Variants in PDE6D observed in about 807,000 individuals in gnomAD.
The protein encoded by PDE6D is retinal rod rhodopsin-sensitive cGMP 3',5'-cyclic phosphodiesterase subunit delta.
In PDE6D, 10 loss-of-function variants were observed where a neutral mutation model predicts 21.9. The observed-to-expected ratio is 0.46, with a 90% CI of 0.28 to 0.78. PDE6D has a LOEUF of 0.78. PDE6D is among the 30% of genes least tolerant of loss of function. The pLI is 0.12. For synonymous variants in PDE6D, 59 were observed against 63.5 expected (o/e 0.93, Z 0.34); for missense variants, 139 against 184.8 (o/e 0.75, Z 1.44).
At chr2:231,762,078 A>C (rs1360537870) in intron 1 of PDE6D, among the ~76,000 whole-genome samples, 1 of 152,142 alleles carries the variant, frequency 6.6e-6, no homozygotes, top group Admixed American at 6.6e-5. Flanking sequence ...TCTCTTGGGG[A>C]TATGCTTAGT....
chr2:231,752,799 T>C (rs1032408785), intron 1 of PDE6D, among the ~76,000 whole-genome samples: 1 of 149,650 alleles, frequency 6.7e-6, no homozygotes, highest in Non-Finnish European at 1.5e-5. Context: ...GATAGATATA[T>C]ACAGAGCAGA....
intron 1 of PDE6D, among the ~76,000 whole-genome samples, chr2:231,756,032 T>C (rs868750164): frequency 6.6e-6 from 1 of 152,148 alleles, no homozygotes; most frequent in South Asian, 2.1e-4. Context: ...GAGGTAAAAA[T>C]GTGATGACAG....
chr2:231,738,808 CG>C (rs1381542073), intron 2 of PDE6D, among the ~76,000 whole-genome samples: 1 of 148,508 alleles, frequency 6.7e-6, no homozygotes, highest in Non-Finnish European at 1.5e-5. Flanking sequence ...CCCAGCTACT[CG>C]GGAGGCTGAG....
intron 4 of PDE6D, among the ~76,000 whole-genome samples, chr2:231,734,122 G>A (rs1363626164): frequency 4.6e-5 from 7 of 152,038 alleles, no homozygotes; most frequent in Admixed American, 4.6e-4. Context: ...GCTGAGGCAG[G>A]AGAATGGTGG....
chr2:231,770,436 T>C (rs2340510), intron 1 of PDE6D, among the ~76,000 whole-genome samples: 42,765 of 151,956 alleles, frequency 0.28, 6,112 homozygotes, highest in Non-Finnish European at 0.31. Context: ...ATCTGGTGAA[T>C]TGAGGGAAAA....
At chr2:231,762,620 C>T (rs1440383287) in intron 1 of PDE6D, among the ~76,000 whole-genome samples, 2 of 151,934 alleles carry the variant, frequency 1.3e-5, no homozygotes, top group East Asian at 1.9e-4. Flanking sequence ...GCTGGGATTA[C>T]AGGTGTGAGC....
At chr2:231,747,771 T>TGA (rs2048806379) in intron 1 of PDE6D, among the ~76,000 whole-genome samples, 1 of 152,224 alleles carries the variant, frequency 6.6e-6, no homozygotes, top group African/African-American at 2.4e-5. Flanking sequence ...TCTTCTCACC[T>TGA]GCACCAAGCA....
intron 1 of PDE6D, among the ~76,000 whole-genome samples, chr2:231,776,278 A>G (rs912081457): frequency 2.7e-5 from 4 of 148,180 alleles, no homozygotes; most frequent in Non-Finnish European, 5.9e-5. Flanking sequence ...TTGAGATCAC[A>G]TCACTGCACT....
At chr2:231,755,291 T>G (rs62197248) in intron 1 of PDE6D, among the ~76,000 whole-genome samples, 3,447 of 152,286 alleles carry the variant, frequency 0.023, 49 homozygotes, top group Non-Finnish European at 0.033. Context: ...AAAATTACAG[T>G]GCTTTTTTTC....
At position 231,750,481 on chromosome 2, in the gene PDE6D, CT is replaced by C. The variant is rs34007857; in HGVS notation, c.51-11294del. On this transcript the variant is annotated intron_variant, in intron 1 of 4. Transcript: ENST00000287600. The stretch of plus-strand genomic sequence containing the variant: ...ATATATGTCTATTTCATCCATATCA[CT>C]TTTTTTTTTTTTTTTTTTTAGACAG... 7.5e-3 allele frequency among the ~76,000 whole-genome samples: 1,005 copies of C among 133,544 alleles called. 13 individuals carry two copies. The highest frequency in any genetic ancestry group is 0.023 in the African/African-American group (842 of 35,856). 87.6% of individuals were successfully genotyped at this position (133,544 alleles called of 152,430 possible). A position where few individuals can be genotyped will look rare whatever the true frequency, so the allele number is the denominator to read the frequency against.
intron 1 of PDE6D, among the ~76,000 whole-genome samples, chr2:231,754,290 ATCTC>A (rs1381842793): frequency 6.6e-6 from 1 of 152,096 alleles, no homozygotes; most frequent in Non-Finnish European, 1.5e-5. Flanking sequence ...CCCCAAGAGA[ATCTC>A]TCTAAAACAA....
At chr2:231,765,622 C>G (rs1297460045) in intron 1 of PDE6D, among the ~76,000 whole-genome samples, 1 of 152,150 alleles carries the variant, frequency 6.6e-6, no homozygotes, top group Non-Finnish European at 1.5e-5. Flanking sequence ...TGAGGCAAAG[C>G]TTCAAAACCA....
intron 4 of PDE6D, among the ~76,000 whole-genome samples, chr2:231,734,819 C>G (rs1429462052): frequency 6.8e-6 from 1 of 146,608 alleles, no homozygotes; most frequent in Non-Finnish European, 1.5e-5. Flanking sequence ...TGCACTCCAG[C>G]CTGGGCGACA....
intron 1 of PDE6D, among the ~76,000 whole-genome samples, chr2:231,767,516 C>G (rs1412983889): frequency 6.6e-6 from 1 of 151,978 alleles, no homozygotes; most frequent in Non-Finnish European, 1.5e-5. Flanking sequence ...AGGGTTTCAC[C>G]GAGTTAGCCA....
chr2:231,734,321 T>C (rs1018600264), intron 4 of PDE6D, among the ~76,000 whole-genome samples: 1 of 152,100 alleles, frequency 6.6e-6, no homozygotes, highest in Non-Finnish European at 1.5e-5. Context: ...TATGGGGATA[T>C]TAAATGCATT....
At chr2:231,769,528 TCA>T (rs754563740) in intron 1 of PDE6D, among the ~76,000 whole-genome samples, 54 of 147,742 alleles carry the variant, frequency 3.7e-4, no homozygotes, top group African/African-American at 7.6e-4. Context: ...TCTCTCTCTC[TCA>T]CACACACACA....
intron 1 of PDE6D, among the ~76,000 whole-genome samples, chr2:231,740,936 C>T (rs541773602): frequency 5.3e-5 from 8 of 150,974 alleles, no homozygotes; most frequent in African/African-American, 1.9e-4. Context: ...GTCGGGAGTT[C>T]GAGACCAGCC....
chr2:231,760,177 T>C (rs1009886388), intron 1 of PDE6D, among the ~76,000 whole-genome samples: 27 of 152,156 alleles, frequency 1.8e-4, no homozygotes, highest in African/African-American at 9.7e-5. Context: ...TTTAAATCAA[T>C]AGAAGAAAGT....
At chr2:231,737,764 C>T (rs186070497) in intron 3 of PDE6D, 14 of 442,990 alleles carry the variant, frequency 3.2e-5, no homozygotes, top group African/African-American at 1.2e-4. Flanking sequence ...CACAATACAA[C>T]GTCAGTGCCT....
Sources: allele counts gnomAD v4.1 joint callset (sites outside exome capture counted in the v4.1 genomes callset), GRCh38; gene constraint gnomAD v4.1.1; transcripts MANE v1.5; gene names NCBI Gene and HGNC (gene_info 2026-07-23, HGNC 2026-07-21).